Variants in LRFN2 observed in about 807,000 individuals in gnomAD.
LRFN2 encodes leucine rich repeat and fibronectin type III domain containing 2.
Under a neutral mutation model 37.3 loss-of-function variants are expected in LRFN2, and 18 were observed. The observed-to-expected ratio is 0.48, with a 90% CI of 0.33 to 0.72. LRFN2 has a LOEUF of 0.72. Among genes scored for constraint, LRFN2 ranks in the 30% least tolerant of loss-of-function variants. LRFN2 has a pLI of 0.02. For missense variants in LRFN2, 1,006 were observed against 1,060.7 expected (o/e 0.95, Z 0.72); for synonymous variants, 556 against 466.6 (o/e 1.19, Z -2.47).
intron 1 of LRFN2, among the ~76,000 whole-genome samples, chr6:40,571,744 T>C (rs905660803): frequency 6.6e-6 from 1 of 152,134 alleles, no homozygotes. Flanking sequence ...CCCCAAATCA[T>C]GTGATGCCCC....
intron 1 of LRFN2, among the ~76,000 whole-genome samples, chr6:40,493,172 C>G (rs973398998): frequency 1.6e-4 from 24 of 152,078 alleles, no homozygotes; most frequent in Admixed American, 1.6e-3. Context: ...AGACCCGAGC[C>G]AAGGCTGGGT....
At chr6:40,431,527 C>T (rs1283043344) in intron 2 of LRFN2, among the ~76,000 whole-genome samples, 187 bp downstream of exon 2, 1 of 152,208 alleles carries the variant, frequency 6.6e-6, no homozygotes, top group Non-Finnish European at 1.5e-5. Flanking sequence ...TTCTTTTCTT[C>T]TTAGCCTTGT....
intron 1 of LRFN2, among the ~76,000 whole-genome samples, chr6:40,483,730 A>T (rs746043358): frequency 3.9e-5 from 6 of 152,164 alleles, no homozygotes; most frequent in South Asian, 2.1e-4. Flanking sequence ...GGGAAGGAAG[A>T]TTACCTGGCA....
At chr6:40,419,670 T>C (rs1024150064) in intron 2 of LRFN2, among the ~76,000 whole-genome samples, 19 of 152,076 alleles carry the variant, frequency 1.2e-4, no homozygotes, top group Non-Finnish European at 2.8e-4. Flanking sequence ...GCCTGATCAT[T>C]CCTGCCTCTG....
intron 1 of LRFN2, among the ~76,000 whole-genome samples, chr6:40,497,537 T>C (rs1466562976): frequency 3.3e-5 from 5 of 152,200 alleles, no homozygotes; most frequent in African/African-American, 1.2e-4. Flanking sequence ...CCCGTTACCA[T>C]ATTAGCATCT....
At chr6:40,484,261 A>G (rs1190258078) in intron 1 of LRFN2, among the ~76,000 whole-genome samples, 2 of 152,208 alleles carry the variant, frequency 1.3e-5, no homozygotes, top group Non-Finnish European at 2.9e-5. Flanking sequence ...TCCAGGAGAC[A>G]GGGTCAGCTG....
chr6:40,410,206 G>C (rs1463969050), intron 2 of LRFN2, among the ~76,000 whole-genome samples: 1 of 152,194 alleles, frequency 6.6e-6, no homozygotes, highest in Admixed American at 6.5e-5. Context: ...TCATGTCCAG[G>C]CTGGAGGATG....
At chr6:40,469,319 A>G (rs1021106191) in intron 1 of LRFN2, among the ~76,000 whole-genome samples, 3 of 152,176 alleles carry the variant, frequency 2.0e-5, no homozygotes, top group Admixed American at 2.0e-4. Context: ...ATAAGAGGAC[A>G]TATTTCTGTT....
At position 40,432,223 on chromosome 6, in the gene LRFN2, C is replaced by T. The variant is rs142757099; in HGVS notation, c.891G>A (p.Lys297=). ...EPPLITQHTH[K]LLVLEGQAAT... is the part of the protein sequence containing the mutation. ...CCGCCTGGCCCTCCAGAACCAGCAA[C>T]TTGTGTGTGTGCTGGGTGATGAGAG... The change falls in exon 2 of 3, where the codon AAG becomes AAA. Residue 297 remains lysine (K), a synonymous_variant. Coordinates refer to ENST00000338305, the MANE Select transcript of LRFN2 (RefSeq NM_020737.3). 17 of 1,614,036 alleles carry T rather than the reference C, an allele frequency of 1.1e-5. No homozygotes were observed. In the African/African-American group the frequency reaches 2.0e-4, roughly 19 times the overall value.
intron 2 of LRFN2, among the ~76,000 whole-genome samples, chr6:40,405,101 G>C (rs1251475919): frequency 6.6e-6 from 1 of 152,146 alleles, no homozygotes; most frequent in Non-Finnish European, 1.5e-5. Flanking sequence ...CCTTTGTTTC[G>C]ATATTCTGGT....
intron 1 of LRFN2, among the ~76,000 whole-genome samples, chr6:40,563,271 TTC>T (rs1251915982): frequency 6.6e-6 from 1 of 152,130 alleles, no homozygotes; most frequent in Non-Finnish European, 1.5e-5. Flanking sequence ...TGACTTATAA[TTC>T]TCTCTCTCCT....
At chr6:40,415,784 A>C in intron 2 of LRFN2, among the ~76,000 whole-genome samples, 1 of 152,218 alleles carries the variant, frequency 6.6e-6, no homozygotes, top group Non-Finnish European at 1.5e-5. Flanking sequence ...TTGTAAACTT[A>C]AACACCTCTC....
intron 2 of LRFN2, among the ~76,000 whole-genome samples, chr6:40,410,182 C>G (rs1762935674): frequency 6.6e-6 from 1 of 152,156 alleles, no homozygotes; most frequent in African/African-American, 2.4e-5. Context: ...GCCGTCCCCA[C>G]CCACCAGCCA....
At chr6:40,486,157 G>C (rs1456941932) in intron 1 of LRFN2, among the ~76,000 whole-genome samples, 1 of 152,200 alleles carries the variant, frequency 6.6e-6, no homozygotes, top group East Asian at 1.9e-4. Flanking sequence ...TGAAGAATAT[G>C]TAAGTCTAGA....
intron 2 of LRFN2, among the ~76,000 whole-genome samples, chr6:40,430,037 T>A (rs1438409398): frequency 6.6e-6 from 1 of 152,222 alleles, no homozygotes; most frequent in East Asian, 1.9e-4. Flanking sequence ...ACTTTCCAAA[T>A]TTTCAGTAAA....
In LRFN2 at chr6:40,431,809, C is replaced by G. The variant is rs370227865; in HGVS notation, c.1305G>C (p.Ser435=). 2 of 1,550,176 alleles carry G rather than the reference C, an allele frequency of 1.3e-6. No individual in the cohort carries two copies. Among genetic ancestry groups the G allele is most frequent in the Non-Finnish European group, 1.7e-6 (2 of 1,147,044 alleles). The change falls in exon 2 of 3, where the codon TCG becomes TCC. Residue 435 remains serine, a synonymous_variant. Transcript: ENST00000338305. ...TGCTGACAGACCACTTGACCAGGGC[C>G]GAGGTGGTGGTCACTTCAGACACAA... ...AVLVSEVTTT[S]ALVKWSVSKS...
chr6:40,535,638 C>A (rs1428879073), intron 1 of LRFN2, among the ~76,000 whole-genome samples: 1 of 152,166 alleles, frequency 6.6e-6, no homozygotes, highest in African/African-American at 2.4e-5. Context: ...CTCCTCCTGC[C>A]CTCCAGCTGA....
intron 1 of LRFN2, chr6:40,523,704 A>G (rs1766158091): frequency 6.6e-6 from 1 of 152,144 alleles, no homozygotes; most frequent in Admixed American, 6.5e-5. Context: ...CTGTTTACTC[A>G]TGAACACATG....
intron 1 of LRFN2, among the ~76,000 whole-genome samples, chr6:40,579,938 T>C (rs115546979): frequency 0.026 from 4,027 of 152,288 alleles, 89 homozygotes; most frequent in Admixed American, 0.039. Flanking sequence ...TGGATGGGAT[T>C]GCTTACCACA....
Sources: allele counts gnomAD v4.1 joint callset (sites outside exome capture counted in the v4.1 genomes callset), GRCh38; gene constraint gnomAD v4.1.1; transcripts MANE v1.5; gene names NCBI Gene and HGNC (gene_info 2026-07-23, HGNC 2026-07-21).